Variants in GGA3 observed in about 807,000 individuals in gnomAD.
GGA3 encodes golgi associated, gamma adaptin ear containing, ARF binding protein 3.
In GGA3, 57 loss-of-function variants were observed where a neutral mutation model predicts 77.5. The ratio of observed to expected loss-of-function variants is 0.74; its 90% confidence interval spans 0.59 to 0.92. The LOEUF (loss-of-function observed/expected upper bound fraction) is 0.92, where lower values mean the gene tolerates loss of function less well. Among genes scored for constraint, GGA3 ranks in the 40% least tolerant of loss-of-function variants. The probability of loss-of-function intolerance (pLI) is 0.00; values close to 1 mark genes in which losing one functional copy is unlikely to be tolerated. For missense variants in GGA3, 970 were observed against 914.9 expected (o/e 1.06, Z -0.78); for synonymous variants, 416 against 383.7 (o/e 1.08, Z -0.98).
chr17:75,256,052 G>A (rs1356179270), intron 1 of GGA3, among the ~76,000 whole-genome samples: 31 of 152,190 alleles, frequency 2.0e-4, no homozygotes, highest in Non-Finnish European at 2.9e-5. Flanking sequence ...GATCGTGTCC[G>A]ATTAATCTCC....
chr17:75,250,308 A>C (rs1019977678), intron 1 of GGA3, among the ~76,000 whole-genome samples: 3 of 152,138 alleles, frequency 2.0e-5, no homozygotes, highest in African/African-American at 7.2e-5. Flanking sequence ...CTCTGTTGAA[A>C]GCCTCATCTG....
At position 75,240,088 on chromosome 17, in the gene GGA3, G is replaced by A; in HGVS notation, c.1284C>T (p.Asp428=). The change falls in exon 13 of 17, where the codon GAC becomes GAT. Residue 428 remains aspartate (D), a synonymous_variant. Transcript: ENST00000537686. ...HLLQREQSDL[D]FFSPRPGTAA... ...CGGTCCCCGGCCTGGGGCTGAAGAA[G>A]TCCAGGTCGGACTGTTCCCTCTATG... 1.9e-6 allele frequency: 3 copies of A among 1,548,240 alleles called. No individual in the cohort carries two copies. Among genetic ancestry groups the A allele is most frequent in the Non-Finnish European group, 2.6e-6 (3 of 1,147,270 alleles).
At chr17:75,243,313 C>T (rs2076639449) in intron 5 of GGA3, 134 bp downstream of exon 5, 1 of 1,250,380 alleles carries the variant, frequency 8.0e-7, no homozygotes. Flanking sequence ...CCATCCAACT[C>T]CGACTCAGCC....
chr17:75,246,930 C>T (rs900965053), intron 1 of GGA3, 134 bp from the exon 2 acceptor site: 2 of 636,900 alleles, frequency 3.1e-6, no homozygotes, highest in African/African-American at 1.8e-5. Flanking sequence ...CTCAGTAGAA[C>T]AGTCAGTAGC....
chr17:75,259,004 A>G (rs2077253244), intron 1 of GGA3, among the ~76,000 whole-genome samples: 1 of 144,104 alleles, frequency 6.9e-6, no homozygotes, highest in South Asian at 2.2e-4. Flanking sequence ...CCGAGGCTGG[A>G]GTGCAGTGGC....
rs1200253093 is a variant in GGA3, at chr17:75,240,080, C to A, written c.1292G>T (p.Ser431Ile). 1.3e-6 allele frequency: 2 copies of A among 1,505,568 alleles called. No individual in the cohort carries two copies. The highest frequency in any genetic ancestry group is 1.2e-5 in the South Asian group (1 of 83,550). The allele number at this position is 1,505,568 out of a possible 1,614,324, so 93.3% of individuals were successfully genotyped here. ...QREQSDLDFF[S>I]PRPGTAACGA... ...ACAGGCAGCGGTCCCCGGCCTGGGG[C>A]TGAAGAAGTCCAGGTCGGACTGTTC... Residue 431 changes from serine to isoleucine, a missense_variant, in exon 13 of 17, where the codon AGC (serine) becomes ATC (isoleucine). Physicochemically the swap from Ser to Ile is moderately radical, Grantham distance 142. Coordinates refer to ENST00000537686, the MANE Select transcript of GGA3 (RefSeq NM_138619.4).
intron 1 of GGA3, among the ~76,000 whole-genome samples, chr17:75,251,339 G>A (rs2076958386): frequency 2.1e-5 from 3 of 146,296 alleles, no homozygotes; most frequent in African/African-American, 2.5e-5. Context: ...TTCAATACAT[G>A]AAAAAAAAAA....
rs1567787056 is a variant in GGA3 at position 75,243,112 on chromosome 17, GGA to G, written c.477_478del (p.Pro160ThrfsTer10). 1.2e-6 allele frequency: 2 copies of G among 1,613,558 alleles called. No homozygotes were observed. On this transcript the variant is annotated frameshift_variant, in exon 6 of 17. Transcript: ENST00000537686. LOFTEE classifies it high-confidence loss of function. Reference sequence around the variant, plus strand: ...AACAGGGTTTTTGGGACGAGGTGGTGGAGAGGGGATCAGCGTCCTATCCACAG... The same window carrying G: ...AACAGGGTTTTTGGGACGAGGTGGTGGAGGGGATCAGCGTCCTATCCACAG...
intron 1 of GGA3, among the ~76,000 whole-genome samples, chr17:75,253,843 TCCCTTAG>T (rs1177676807): frequency 6.6e-6 from 1 of 152,040 alleles, no homozygotes; most frequent in Admixed American, 6.6e-5. Flanking sequence ...TTCCTCCTTC[TCCCTTAG>T]CCTGTGTTCT....
intron 1 of GGA3, among the ~76,000 whole-genome samples, chr17:75,250,005 C>G (rs1370407252): frequency 6.6e-6 from 1 of 152,222 alleles, no homozygotes; most frequent in East Asian, 1.9e-4. Flanking sequence ...ACAAAAAGCC[C>G]TAGTTTCTGC....
At chr17:75,251,292 C>G (rs111424887) in intron 1 of GGA3, among the ~76,000 whole-genome samples, 1 of 150,316 alleles carries the variant, frequency 6.7e-6, no homozygotes, top group Non-Finnish European at 1.5e-5. Flanking sequence ...AAGTTCCAGA[C>G]ACAGATTTTA....
chr17:75,238,903 G>A lies in GGA3; in HGVS notation c.1950+11C>T. The A allele has an allele frequency of 6.2e-7, 1 of 1,612,992 alleles. No individual in the cohort carries two copies. The highest frequency in any genetic ancestry group is 8.5e-7 in the Non-Finnish European group (1 of 1,179,392). ...GATAAGGCCGTTTTGGCCCCAGGGA[G>A]ACACTGGTACCTTGGGCACTGCAGC... On this transcript the variant is annotated intron_variant, in intron 15 of 16. Transcript: ENST00000537686.
At chr17:75,262,257 G>A, upstream of GGA3, 2 of 637,780 alleles carry the variant, frequency 3.1e-6, no homozygotes, top group South Asian at 3.8e-5. Flanking sequence ...TGGGATGGGT[G>A]TGTAGGCGCC....
chr17:75,238,064 A>G lies in GGA3; in HGVS notation c.*215T>C. 2 of 1,370,832 alleles carry G rather than the reference A, an allele frequency of 1.5e-6. No individual in the cohort carries two copies. Among genetic ancestry groups the G allele is most frequent in the Non-Finnish European group, 1.9e-6 (2 of 1,064,430 alleles). 84.9% of individuals were successfully genotyped at this position (1,370,832 alleles called of 1,614,324 possible). A position where few individuals can be genotyped will look rare whatever the true frequency, so the allele number is the denominator to read the frequency against. ...CCCCTGACAGCATATGGCCACTTCA[A>G]GTCACACAGGTAGATAAAAACAGGT... On this transcript the variant is annotated 3_prime_UTR_variant, in exon 17 of 17. Transcript: ENST00000537686.
At chr17:75,241,372 C>T in intron 10 of GGA3, 28 bp downstream of exon 10, 1 of 1,418,206 alleles carries the variant, frequency 7.1e-7, no homozygotes, top group Non-Finnish European at 1.0e-6. Flanking sequence ...TCTGGAGGAG[C>T]CTAGAGTTGG....
At chr17:75,258,058 A>T (rs2077217617) in intron 1 of GGA3, among the ~76,000 whole-genome samples, 1 of 152,252 alleles carries the variant, frequency 6.6e-6, no homozygotes, top group East Asian at 1.9e-4. Context: ...GGTTCTTCGT[A>T]ATTCTCCCCA....
intron 12 of GGA3, 50 bp from the exon 13 acceptor site, chr17:75,240,158 G>A (rs1176988813): frequency 7.7e-7 from 1 of 1,295,434 alleles, no homozygotes; most frequent in South Asian, 1.3e-5. Flanking sequence ...GGGAGGGCCT[G>A]CCGCTGGAAC....
At chr17:75,251,049 C>A (rs918799530) in intron 1 of GGA3, among the ~76,000 whole-genome samples, 1 of 152,044 alleles carries the variant, frequency 6.6e-6, no homozygotes, top group East Asian at 1.9e-4. Flanking sequence ...CCATTGCACT[C>A]CAGCCTGGGC....
intron 16 of GGA3, 71 bp downstream of exon 16, chr17:75,238,581 G>T: frequency 8.9e-7 from 1 of 1,119,244 alleles, no homozygotes; most frequent in Non-Finnish European, 1.3e-6. Context: ...GCTGGGAGGT[G>T]GTGGGCCTGA....
Sources: allele counts gnomAD v4.1 joint callset (sites outside exome capture counted in the v4.1 genomes callset), GRCh38; gene constraint gnomAD v4.1.1; transcripts MANE v1.5; gene names NCBI Gene and HGNC (gene_info 2026-07-23, HGNC 2026-07-21).